The following EYA1 variants were observed in gnomAD, a reference collection of about 807,000 sequenced individuals.
EYA1 encodes EYA transcriptional coactivator and phosphatase 1.
Under a neutral mutation model 82.0 loss-of-function variants are expected in EYA1, and 16 were observed. That is an observed-to-expected ratio of 0.20 (90% confidence interval 0.13 to 0.30). EYA1 has a LOEUF of 0.30. EYA1 is among the 10% of genes least tolerant of loss of function. The pLI is 1.00. For missense variants in EYA1, 633 were observed against 730.7 expected, an observed-to-expected ratio of 0.87 and a Z score of 1.54; for synonymous variants, 261 against 264.4, an observed-to-expected ratio of 0.99 and a Z score of 0.12.
intron 2 of EYA1, among the ~76,000 whole-genome samples, chr8:71,380,023 C>T (rs1019675710): frequency 1.3e-5 from 2 of 152,164 alleles, no homozygotes; most frequent in South Asian, 2.1e-4. Flanking sequence ...GCACCCGGCA[C>T]CTGCCGCTGA....
chr8:71,405,894 T>C (rs1243756917), intron 2 of EYA1, among the ~76,000 whole-genome samples: 2 of 152,224 alleles, frequency 1.3e-5, no homozygotes, highest in African/African-American at 4.8e-5. Context: ...CTCAATTGCA[T>C]TCGCCTCTCA....
intron 2 of EYA1, among the ~76,000 whole-genome samples, chr8:71,499,472 C>CGGA (rs1277334416): frequency 6.6e-6 from 1 of 152,064 alleles, no homozygotes; most frequent in Non-Finnish European, 1.5e-5. Context: ...TACTAGATGA[C>CGGA]GGAGCTAGGG....
At chr8:71,353,637 A>G (rs186924924) in intron 3 of EYA1, among the ~76,000 whole-genome samples, 16 of 152,366 alleles carry the variant, frequency 1.1e-4, no homozygotes, top group Non-Finnish European at 1.5e-4. Context: ...AACTGATTTT[A>G]TATCTTTCCT....
chr8:71,509,278 G>A (rs917669211), intron 2 of EYA1, among the ~76,000 whole-genome samples: 4 of 152,194 alleles, frequency 2.6e-5, no homozygotes, highest in East Asian at 1.9e-4. Flanking sequence ...CTTAAAGCAA[G>A]CAAATATATT....
chr8:71,374,784 A>C (rs939745203), intron 2 of EYA1, among the ~76,000 whole-genome samples: 2 of 152,214 alleles, frequency 1.3e-5, no homozygotes, highest in African/African-American at 4.8e-5. Flanking sequence ...ATGAATAAAG[A>C]AACTGTGGTA....
At chr8:71,204,216 T>C (rs569316165) in intron 17 of EYA1, 3 of 152,332 alleles carry the variant, frequency 2.0e-5, no homozygotes, top group Admixed American at 2.0e-4. Flanking sequence ...GACACATCCT[T>C]CCTGTTTTTC....
chr8:71,268,903 C>A (rs1056317913), intron 11 of EYA1, among the ~76,000 whole-genome samples: 1 of 152,052 alleles, frequency 6.6e-6, no homozygotes, highest in Non-Finnish European at 1.5e-5. Flanking sequence ...CTGCTGAAGT[C>A]ACTGGGACAT....
intron 2 of EYA1, among the ~76,000 whole-genome samples, chr8:71,376,388 G>A (rs1183960336): frequency 2.6e-5 from 4 of 152,324 alleles, no homozygotes; most frequent in Middle Eastern, 3.4e-3. Context: ...GTTGTAATGA[G>A]ATGTTACTAA....
At chr8:71,310,105 T>C (rs1427112776) in intron 7 of EYA1, among the ~76,000 whole-genome samples, 4 of 152,148 alleles carry the variant, frequency 2.6e-5, no homozygotes, top group Non-Finnish European at 4.4e-5. Context: ...ATTATTGATA[T>C]TCTGGGACGA....
At chr8:71,267,038 A>G (rs1900080) in intron 11 of EYA1, among the ~76,000 whole-genome samples, 78,127 of 151,642 alleles carry the variant, frequency 0.52, 20,938 homozygotes, top group African/African-American at 0.67. Context: ...CACTGCTACA[A>G]CCTCCAATTT....
At chr8:71,404,591 G>C (rs1334084575) in intron 2 of EYA1, 1 of 152,198 alleles carries the variant, frequency 6.6e-6, no homozygotes, top group Non-Finnish European at 1.5e-5. Flanking sequence ...AGATTGTGAA[G>C]TACAGGAAGC....
At chr8:71,223,888 A>G (rs1810251613) in intron 12 of EYA1, among the ~76,000 whole-genome samples, 1 of 152,228 alleles carries the variant, frequency 6.6e-6, no homozygotes, top group African/African-American at 2.4e-5. Context: ...ATACTGTAGT[A>G]GTTGTACTTT....
intron 12 of EYA1, among the ~76,000 whole-genome samples, chr8:71,243,659 C>T (rs1033363500): frequency 3.3e-5 from 5 of 152,190 alleles, no homozygotes; most frequent in Admixed American, 2.6e-4. Flanking sequence ...AGTTCTGTCA[C>T]ACACTGGCAT....
intron 3 of EYA1, among the ~76,000 whole-genome samples, chr8:71,337,313 T>C (rs906376384): frequency 6.6e-6 from 1 of 152,188 alleles, no homozygotes; most frequent in Non-Finnish European, 1.5e-5. Flanking sequence ...ATAGCAACTT[T>C]TGTTCTCTTT....
intron 2 of EYA1, among the ~76,000 whole-genome samples, chr8:71,466,861 CTCT>C (rs1335057041): frequency 6.6e-6 from 1 of 152,094 alleles, no homozygotes; most frequent in Non-Finnish European, 1.5e-5. Context: ...AAGTCTCTGT[CTCT>C]TCTTCTTACC....
At chr8:71,514,104 G>C (rs1349125504) in intron 2 of EYA1, among the ~76,000 whole-genome samples, 11 of 152,148 alleles carry the variant, frequency 7.2e-5, no homozygotes, top group Non-Finnish European at 1.6e-4. Flanking sequence ...TGAGAGTGCA[G>C]ATATCTCTTC....
intron 11 of EYA1, among the ~76,000 whole-genome samples, chr8:71,269,217 C>G (rs150380807): frequency 0.012 from 1,881 of 152,280 alleles, 20 homozygotes; most frequent in Non-Finnish European, 0.02. Context: ...ACAACTCTAA[C>G]ATGGTCCCAC....
chr8:71,328,041 G>C (rs747076837), intron 4 of EYA1, among the ~76,000 whole-genome samples: 3 of 151,870 alleles, frequency 2.0e-5, no homozygotes, highest in Non-Finnish European at 4.4e-5. Flanking sequence ...ATTTTTAGTA[G>C]AGACAGGGTT....
intron 2 of EYA1, among the ~76,000 whole-genome samples, chr8:71,410,130 CAT>C (rs2129139313): frequency 6.6e-6 from 1 of 151,524 alleles, no homozygotes; most frequent in African/African-American, 2.4e-5. Flanking sequence ...ACAAAAACCA[CAT>C]GATTATTTCA....
Sources: gnomAD v4.1 joint callset for allele counts (sites outside exome capture counted in the v4.1 genomes callset) on GRCh38, gnomAD v4.1.1 for gene constraint, MANE v1.5 for transcripts, NCBI Gene and HGNC (gene_info 2026-07-23, HGNC 2026-07-21) for gene names.